KIF16B: variants seen among roughly 807,000 people sequenced by gnomAD.
KIF16B encodes kinesin family member 16B, also known as kinesin-like protein KIF16B.
KIF16B carries 98 observed loss-of-function variants against 156.3 expected under a neutral mutation model. The observed-to-expected ratio is 0.63, with a 90% confidence interval of 0.53 to 0.74. KIF16B has a LOEUF of 0.74. KIF16B is among the 30% of genes least tolerant of loss of function. The probability of loss-of-function intolerance (pLI) is 0.00; values close to 1 mark genes in which losing one functional copy is unlikely to be tolerated. For synonymous variants in KIF16B, 564 were observed against 583.7 expected, an observed-to-expected ratio of 0.97 and a Z score of 0.49; for missense variants, 1,421 against 1,606.5, an observed-to-expected ratio of 0.88 and a Z score of 1.97.
intron 17 of KIF16B, among the ~76,000 whole-genome samples, chr20:16,401,176 G>A (rs1345607456): frequency 6.6e-6 from 1 of 152,208 alleles, no homozygotes; most frequent in East Asian, 1.9e-4. Context: ...TGTACTTGAA[G>A]TCAGGTCAAC....
intron 23 of KIF16B, among the ~76,000 whole-genome samples, chr20:16,336,504 T>A (rs940189515): frequency 2.0e-5 from 3 of 152,188 alleles, no homozygotes; most frequent in Non-Finnish European, 4.4e-5. Context: ...AAGAGGCAGG[T>A]AGACCACATC....
intron 24 of KIF16B, among the ~76,000 whole-genome samples, chr20:16,327,425 C>T (rs181769048): frequency 2.0e-5 from 3 of 152,084 alleles, no homozygotes; most frequent in Admixed American, 2.0e-4. Flanking sequence ...CCAAACACAC[C>T]TGTTTCCCAA....
In KIF16B at chr20:16,478,325, A is replaced by T. The variant is rs146515731; in HGVS notation, c.1302+15966T>A. On this transcript the variant is annotated intron_variant, in intron 12 of 25. Coordinates refer to ENST00000354981, the MANE Select transcript of KIF16B (RefSeq NM_024704.5). ...ACAAAAAACAGTGAATGTCATGAGG[A>T]TGTAGACCAACCGGGCTGCAGGGCA... is the stretch of plus-strand genomic sequence containing the variant. Among the ~76,000 whole-genome samples the T allele has an allele frequency of 6.6e-5, 10 of 152,328 alleles. No homozygotes were observed. The East Asian group carries it at 1.9e-3, about 29-fold the overall frequency.
chr20:16,293,860 T>C (rs578090343), intron 25 of KIF16B, among the ~76,000 whole-genome samples: 1 of 152,162 alleles, frequency 6.6e-6, no homozygotes, highest in African/African-American at 2.4e-5. Context: ...CAGTCCTGAC[T>C]CAGTGCATGG....
chr20:16,525,650 T>G (rs570269894), intron 3 of KIF16B, among the ~76,000 whole-genome samples: 2 of 152,332 alleles, frequency 1.3e-5, no homozygotes, highest in Non-Finnish European at 2.9e-5. Context: ...TAGAATCCAC[T>G]CTAAAACCTG....
In KIF16B at chr20:16,573,378, C is replaced by A. The variant is rs2071529636; in HGVS notation, c.-103G>T. On this transcript the variant is annotated 5_prime_UTR_variant, in exon 1 of 26. Transcript: ENST00000354981. ...TCGCGGCTCCCGCCCACTTCCCTCT[C>A]GCCCCCGCCCCTCTGCTCCCGGCCG... is the stretch of plus-strand genomic sequence containing the variant. The A allele has an allele frequency of 7.9e-7, 1 of 1,258,762 alleles. No homozygotes were observed. The allele number at this position is 1,258,762 out of a possible 1,614,324, so 78.0% of individuals were successfully genotyped here.
At chr20:16,517,986 T>A (rs990751228) in intron 3 of KIF16B, among the ~76,000 whole-genome samples, 4 of 152,170 alleles carry the variant, frequency 2.6e-5, no homozygotes, top group African/African-American at 9.7e-5. Flanking sequence ...TTAAAATCTA[T>A]GCCTACCACT....
intron 1 of KIF16B, among the ~76,000 whole-genome samples, chr20:16,572,570 G>A (rs967953375): frequency 5.9e-5 from 9 of 152,260 alleles, no homozygotes; most frequent in Admixed American, 1.3e-4. Flanking sequence ...AGTGAATGAA[G>A]AGAAGGATTC....
At chr20:16,387,499 C>T (rs7260832) in intron 17 of KIF16B, among the ~76,000 whole-genome samples, 6,903 of 151,948 alleles carry the variant, frequency 0.045, 186 homozygotes, top group African/African-American at 0.078. Flanking sequence ...AAGTAAGTGG[C>T]GACAAGACAA....
chr20:16,387,858 A>G (rs1171243421), intron 17 of KIF16B, among the ~76,000 whole-genome samples: 1 of 151,460 alleles, frequency 6.6e-6, no homozygotes. Flanking sequence ...TTCACTTTAG[A>G]GTGTCTGATT....
chr20:16,371,524 A>T, intron 21 of KIF16B, 141 bp downstream of exon 21: 1 of 559,712 alleles, frequency 1.8e-6, no homozygotes, highest in South Asian at 2.3e-5. Flanking sequence ...TGGGAGGTGG[A>T]GGTTGCAGTG....
chr20:16,419,525 CT>C (rs1345321335), intron 15 of KIF16B, among the ~76,000 whole-genome samples: 12 of 152,096 alleles, frequency 7.9e-5, no homozygotes, highest in African/African-American at 2.9e-4. Context: ...CCTCTGAGTA[CT>C]TGAATAGATG....
chr20:16,335,461 G>A (rs908453132), intron 24 of KIF16B, among the ~76,000 whole-genome samples: 24 of 152,036 alleles, frequency 1.6e-4, no homozygotes, highest in Admixed American at 9.8e-4. Context: ...TTCCCTCTAC[G>A]TTCAATGGCA....
At chr20:16,565,048 T>C (rs1195973348) in intron 1 of KIF16B, among the ~76,000 whole-genome samples, 2 of 152,178 alleles carry the variant, frequency 1.3e-5, no homozygotes, top group African/African-American at 2.4e-5. Flanking sequence ...TCAGTAACCA[T>C]AGTGAGTATA....
At chr20:16,389,637 G>A (rs1350069747) in intron 17 of KIF16B, among the ~76,000 whole-genome samples, 1 of 152,206 alleles carries the variant, frequency 6.6e-6, no homozygotes, top group East Asian at 1.9e-4. Flanking sequence ...GAGACTAGGG[G>A]ATCTTAAAGA....
chr20:16,504,206 T>A (rs546316418), intron 10 of KIF16B, among the ~76,000 whole-genome samples, 166 bp downstream of exon 10: 6 of 152,354 alleles, frequency 3.9e-5, no homozygotes, highest in African/African-American at 1.4e-4. Context: ...ATGCAAAGGC[T>A]GACAAGAGGT....
At chr20:16,471,745 A>T (rs180709068) in intron 12 of KIF16B, among the ~76,000 whole-genome samples, 1 of 152,198 alleles carries the variant, frequency 6.6e-6, no homozygotes, top group Non-Finnish European at 1.5e-5. Flanking sequence ...AGGCCAAACT[A>T]CCTAAAGTGA....
chr20:16,390,926 C>T (rs766316008), intron 17 of KIF16B, among the ~76,000 whole-genome samples: 4 of 152,162 alleles, frequency 2.6e-5, no homozygotes, highest in South Asian at 2.1e-4. Flanking sequence ...AAAACATGCT[C>T]ATATATCGAT....
intron 12 of KIF16B, among the ~76,000 whole-genome samples, chr20:16,448,253 C>T (rs1376778911): frequency 1.3e-5 from 2 of 152,208 alleles, no homozygotes; most frequent in African/African-American, 4.8e-5. Flanking sequence ...GGAAAGAAAG[C>T]TGTGCACAGT....
Sources: gnomAD v4.1 joint callset for allele counts (sites outside exome capture counted in the v4.1 genomes callset) on GRCh38, gnomAD v4.1.1 for gene constraint, MANE v1.5 for transcripts, NCBI Gene and HGNC (gene_info 2026-07-23, HGNC 2026-07-21) for gene names.